GALNT17: variants seen among roughly 807,000 people sequenced by gnomAD.
GALNT17 encodes the protein polypeptide N-acetylgalactosaminyltransferase 17.
GALNT17 carries 29 observed loss-of-function variants against 63.7 expected under a neutral mutation model. The ratio of observed to expected loss-of-function variants is 0.46; its 90% CI spans 0.34 to 0.62. GALNT17 has a LOEUF of 0.62. GALNT17 is among the 20% of genes least tolerant of loss of function. The probability of loss-of-function intolerance (pLI) is 0.01; values close to 1 mark genes in which losing one functional copy is unlikely to be tolerated. For synonymous variants in GALNT17, 305 were observed against 318.3 expected, an observed-to-expected ratio of 0.96 and a Z score of 0.45; for missense variants, 603 against 799.6, an observed-to-expected ratio of 0.75 and a Z score of 2.97.
intron 1 of GALNT17, among the ~76,000 whole-genome samples, chr7:71,297,610 C>CA (rs61518801): frequency 0.54 from 82,126 of 151,750 alleles, 22,625 homozygotes; most frequent in East Asian, 0.83. Flanking sequence ...GACCTTGTCT[C>CA]AAAAAAATAG....
intron 1 of GALNT17, among the ~76,000 whole-genome samples, chr7:71,197,602 C>G (rs528984164): frequency 6.6e-6 from 1 of 152,140 alleles, no homozygotes; most frequent in South Asian, 2.1e-4. Context: ...CCCCCACTCC[C>G]CTTCCCAGCC....
intron 1 of GALNT17, among the ~76,000 whole-genome samples, chr7:71,335,028 A>G (rs11764267): frequency 0.98 from 149,860 of 152,348 alleles, 73,716 homozygotes; most frequent in East Asian, 0.99. Flanking sequence ...CTCATTTCCT[A>G]TGTCCTCTTT....
chr7:71,170,103 A>G (rs1163152731), intron 1 of GALNT17, among the ~76,000 whole-genome samples: 3 of 151,602 alleles, frequency 2.0e-5, no homozygotes, highest in Admixed American at 6.6e-5. Flanking sequence ...GTCTGGATCT[A>G]TTGTTTGTCT....
At chr7:71,668,161 G>A (rs1425257879) in intron 7 of GALNT17, among the ~76,000 whole-genome samples, 2 of 152,114 alleles carry the variant, frequency 1.3e-5, no homozygotes, top group East Asian at 1.9e-4. Flanking sequence ...TCTTTTGACT[G>A]TAGCCAAGTG....
intron 5 of GALNT17, among the ~76,000 whole-genome samples, chr7:71,466,711 C>T (rs1280399822): frequency 6.6e-6 from 1 of 152,292 alleles, no homozygotes; most frequent in South Asian, 2.1e-4. Flanking sequence ...TTGACTCAAG[C>T]ATTTCTTTAT....
chr7:71,286,366 A>C (rs1284804264), intron 1 of GALNT17, among the ~76,000 whole-genome samples: 1 of 152,224 alleles, frequency 6.6e-6, no homozygotes, highest in Admixed American at 6.5e-5. Flanking sequence ...TCATTGAAAT[A>C]GGCATTAAGA....
chr7:71,490,266 A>G (rs1787985146), intron 5 of GALNT17, among the ~76,000 whole-genome samples: 1 of 151,864 alleles, frequency 6.6e-6, no homozygotes, highest in East Asian at 1.9e-4. Context: ...CAAAAAAAAA[A>G]AAAAGAAGCA....
intron 5 of GALNT17, among the ~76,000 whole-genome samples, chr7:71,566,827 A>T (rs1789356271): frequency 6.6e-6 from 1 of 152,148 alleles, no homozygotes; most frequent in Admixed American, 6.5e-5. Context: ...TTAGGGGCGG[A>T]GAGCAGAGCC....
chr7:71,520,417 G>GGAGGCA (rs1286501650), intron 5 of GALNT17, among the ~76,000 whole-genome samples: 1 of 152,124 alleles, frequency 6.6e-6, no homozygotes, highest in Non-Finnish European at 1.5e-5. Flanking sequence ...CAGCTACTCA[G>GGAGGCA]GAGGCAGAGG....
At position 71,304,088 on chromosome 7, in the gene GALNT17, T is replaced by G. The variant is rs557082076; in HGVS notation, c.239-31462T>G. ...CACTCTAATTTCTGCTCAATACCCT[T>G]GAGCACACCTTGTTGGTTGAATAAA... is the stretch of plus-strand genomic sequence containing the variant. On this transcript the variant is annotated intron_variant, in intron 1 of 10. Coordinates refer to ENST00000333538, the MANE Select transcript of GALNT17 (RefSeq NM_022479.3). Among the ~76,000 whole-genome samples, 46 of 152,298 alleles carry G rather than the reference T, an allele frequency of 3.0e-4. No individual in the cohort carries two copies. In the South Asian group the frequency reaches 9.3e-3, roughly 31 times the overall value.
At chr7:71,420,660 G>A (rs1267278758) in intron 4 of GALNT17, among the ~76,000 whole-genome samples, 1 of 152,308 alleles carries the variant, frequency 6.6e-6, no homozygotes, top group Non-Finnish European at 1.5e-5. Context: ...TTTCGGGCCA[G>A]AGCAGGCATC....
chr7:71,365,233 A>T lies in GALNT17; in HGVS notation c.423-23002A>T, dbSNP rs150573776. Reference sequence around the variant, plus strand: ...CAGGCATAAGCCACCACATCCGGTCATGGAAGGAATAGTTTTTGTTTTTTT... The same window carrying T: ...CAGGCATAAGCCACCACATCCGGTCTTGGAAGGAATAGTTTTTGTTTTTTT... On this transcript the variant is annotated intron_variant, in intron 2 of 10. Coordinates refer to ENST00000333538, the MANE Select transcript of GALNT17 (RefSeq NM_022479.3). 1.1e-4 allele frequency among the ~76,000 whole-genome samples: 17 copies of T among 151,938 alleles called. No individual in the cohort carries two copies. In the East Asian group the frequency reaches 3.3e-3, roughly 30 times the overall value.
chr7:71,250,086 C>G (rs1350055484), intron 1 of GALNT17, among the ~76,000 whole-genome samples: 1 of 152,166 alleles, frequency 6.6e-6, no homozygotes, highest in South Asian at 2.1e-4. Context: ...ATCATAGAAA[C>G]ATTTCCAAAC....
intron 2 of GALNT17, among the ~76,000 whole-genome samples, chr7:71,336,586 C>CTGGTGGTATT (rs1791912732): frequency 1.3e-5 from 2 of 152,146 alleles, no homozygotes; most frequent in South Asian, 4.1e-4. Context: ...TAAGTGAGAA[C>CTGGTGGTATT]TGGTGGTATT....
intron 1 of GALNT17, among the ~76,000 whole-genome samples, chr7:71,263,648 G>C (rs1288293137): frequency 1.3e-5 from 2 of 152,178 alleles, no homozygotes; most frequent in Non-Finnish European, 2.9e-5. Context: ...ATCTGGCCGG[G>C]AGCGGTGGCT....
intron 5 of GALNT17, among the ~76,000 whole-genome samples, chr7:71,455,700 CG>C (rs1182600811): frequency 6.6e-6 from 1 of 152,126 alleles, no homozygotes; most frequent in Non-Finnish European, 1.5e-5. Context: ...CCAGCCAGCA[CG>C]GGGCATAGGG....
chr7:71,319,257 C>T (rs1286189550), intron 1 of GALNT17, among the ~76,000 whole-genome samples: 1 of 151,998 alleles, frequency 6.6e-6, no homozygotes, highest in Non-Finnish European at 1.5e-5. Context: ...TTCTTTGCCT[C>T]TTGTTCTCTC....
At chr7:71,328,790 A>T (rs148915273) in intron 1 of GALNT17, among the ~76,000 whole-genome samples, 1 of 152,182 alleles carries the variant, frequency 6.6e-6, no homozygotes, top group East Asian at 1.9e-4. Flanking sequence ...GAGGCTGTTA[A>T]GTGAATGCCT....
chr7:71,184,607 G>A (rs950282915), intron 1 of GALNT17, among the ~76,000 whole-genome samples: 3 of 152,148 alleles, frequency 2.0e-5, no homozygotes, highest in Non-Finnish European at 4.4e-5. Flanking sequence ...CCCTGGCCCA[G>A]CTCTTAGACT....
Sources: gnomAD v4.1 joint callset for allele counts (sites outside exome capture counted in the v4.1 genomes callset) on GRCh38, gnomAD v4.1.1 for gene constraint, MANE v1.5 for transcripts, NCBI Gene and HGNC (gene_info 2026-07-23, HGNC 2026-07-21) for gene names.